Variants in BLTP3A observed in about 807,000 individuals in gnomAD.
BLTP3A encodes the protein bridge-like lipid transfer protein family member 3A, also known as ICBP90 binding protein 1.
chr6:34,855,716 C>T, the BLTP3A span: 1 of 1,613,122 alleles, frequency 6.2e-7, no homozygotes, highest in Admixed American at 1.7e-5. Context: ...TAGGAAAACT[C>T]TGAATGGGGC....
the BLTP3A span, among the ~76,000 whole-genome samples, chr6:34,849,644 G>A: frequency 2.6e-5 from 4 of 152,052 alleles, no homozygotes; most frequent in Non-Finnish European, 2.9e-5. Context: ...GTTTGTCTCT[G>A]TAATTATTAT....
the BLTP3A span, among the ~76,000 whole-genome samples, chr6:34,826,485 A>G: frequency 1.3e-5 from 2 of 151,810 alleles, no homozygotes; most frequent in South Asian, 4.2e-4. Flanking sequence ...CAGACTCCCA[A>G]ATAGCTGGGG....
At chr6:34,857,927 G>C in the BLTP3A span, 6 of 1,608,760 alleles carry the variant, frequency 3.7e-6, no homozygotes, top group South Asian at 1.1e-5. Flanking sequence ...GGTGAGGGGA[G>C]AGTGTGACTT....
At chr6:34,816,695 C>T in the BLTP3A span, among the ~76,000 whole-genome samples, 1 of 152,178 alleles carries the variant, frequency 6.6e-6, no homozygotes, top group Non-Finnish European at 1.5e-5. Flanking sequence ...CTCCTTACTC[C>T]TGCCTATCAG....
At chr6:34,822,030 T>C in the BLTP3A span, 1 of 1,576,278 alleles carries the variant, frequency 6.3e-7, no homozygotes, top group Non-Finnish European at 8.7e-7. Flanking sequence ...AGGGAGAAAA[T>C]GATAGGCTAA....
the BLTP3A span, among the ~76,000 whole-genome samples, chr6:34,829,290 T>C: frequency 1.3e-5 from 2 of 152,252 alleles, no homozygotes; most frequent in Admixed American, 1.3e-4. Context: ...AGGCAACCAC[T>C]CATCTACTGT....
the BLTP3A span, among the ~76,000 whole-genome samples, chr6:34,838,532 A>G: frequency 1.3e-5 from 2 of 152,216 alleles, no homozygotes; most frequent in African/African-American, 4.8e-5. Flanking sequence ...CCAAACCAAT[A>G]AGATAGAATG....
At chr6:34,826,114 C>T in the BLTP3A span, among the ~76,000 whole-genome samples, 2 of 149,806 alleles carry the variant, frequency 1.3e-5, no homozygotes, top group East Asian at 3.9e-4. Context: ...CTGCAACCAC[C>T]GCTTCCTGGG....
At chr6:34,832,418 G>A in the BLTP3A span, among the ~76,000 whole-genome samples, 3 of 151,912 alleles carry the variant, frequency 2.0e-5, no homozygotes, top group Admixed American at 6.6e-5. Flanking sequence ...ACTGTGCCCA[G>A]CGTTTTTTCT....
At chr6:34,867,426 A>G in the BLTP3A span, 3 of 1,613,540 alleles carry the variant, frequency 1.9e-6, no homozygotes, top group Non-Finnish European at 2.5e-6. Flanking sequence ...CTCTGGGCTG[A>G]GAGCTTGGGA....
the BLTP3A span, among the ~76,000 whole-genome samples, chr6:34,796,295 A>G: frequency 1.3e-5 from 2 of 152,210 alleles, no homozygotes; most frequent in Non-Finnish European, 2.9e-5. Flanking sequence ...CACCCTCCTT[A>G]GTAGTAGAGT....
chr6:34,807,059 A>G, the BLTP3A span, among the ~76,000 whole-genome samples: 3 of 152,218 alleles, frequency 2.0e-5, no homozygotes, highest in African/African-American at 7.2e-5. Flanking sequence ...CACTTTAGGT[A>G]ATCTAGAGCC....
the BLTP3A span, among the ~76,000 whole-genome samples, chr6:34,847,411 T>G: frequency 1.3e-5 from 2 of 152,176 alleles, no homozygotes; most frequent in Non-Finnish European, 2.9e-5. Flanking sequence ...TTCGGTAAAA[T>G]TCAGCAGTGA....
At chr6:34,795,484 G>A in the BLTP3A span, among the ~76,000 whole-genome samples, 32,339 of 150,540 alleles carry the variant, frequency 0.21, 4,166 homozygotes, top group African/African-American at 0.35. Flanking sequence ...TGCAACCTCT[G>A]CCTCCTGGGT....
the BLTP3A span, among the ~76,000 whole-genome samples, chr6:34,845,738 A>T: frequency 6.6e-6 from 1 of 151,866 alleles, no homozygotes; most frequent in Admixed American, 6.6e-5. Flanking sequence ...CTGAGACTAC[A>T]GGCGCCCACC....
the BLTP3A span, chr6:34,858,818 A>ATTC: frequency 6.2e-7 from 1 of 1,614,100 alleles, no homozygotes; most frequent in Non-Finnish European, 8.5e-7. Flanking sequence ...ATGCTTGTAC[A>ATTC]TTCCCCGGCC....
the BLTP3A span, among the ~76,000 whole-genome samples, chr6:34,813,315 A>G: frequency 1.3e-5 from 2 of 152,192 alleles, no homozygotes; most frequent in Non-Finnish European, 2.9e-5. Flanking sequence ...TTGTTTCCTC[A>G]TTGGCAAATG....
the BLTP3A span, among the ~76,000 whole-genome samples, chr6:34,815,167 A>G: frequency 1.3e-5 from 2 of 152,168 alleles, no homozygotes; most frequent in African/African-American, 4.8e-5. Flanking sequence ...TGTCATTATT[A>G]TTTGTAGTTT....
At chr6:34,818,618 A>G in the BLTP3A span, among the ~76,000 whole-genome samples, 1 of 152,226 alleles carries the variant, frequency 6.6e-6, no homozygotes, top group South Asian at 2.1e-4. Flanking sequence ...GAAAAGCCAT[A>G]CAGTCACCTC....
Sources: allele counts gnomAD v4.1 joint callset (sites outside exome capture counted in the v4.1 genomes callset), GRCh38; gene constraint gnomAD v4.1.1; transcripts MANE v1.5; gene names NCBI Gene and HGNC (gene_info 2026-07-23, HGNC 2026-07-21).